CSMD1: variants seen among roughly 807,000 people sequenced by gnomAD.
CSMD1 encodes the protein CUB and Sushi multiple domains 1.
Under a neutral mutation model 417.5 loss-of-function variants are expected in CSMD1, and 213 were observed. That is an observed-to-expected ratio of 0.51 (90% CI 0.46 to 0.57). The LOEUF (loss-of-function observed/expected upper bound fraction) is 0.57. CSMD1 is among the 20% of genes least tolerant of loss of function. The pLI is 0.00. For missense variants in CSMD1, 6,923 were observed against 4,529.7 expected, an observed-to-expected ratio of 1.53 and a Z score of -15.17; for synonymous variants, 2,862 against 1,736.8, an observed-to-expected ratio of 1.65 and a Z score of -16.11.
At chr8:4,398,590 T>C (rs771694005) in intron 3 of CSMD1, among the ~76,000 whole-genome samples, 1 of 151,548 alleles carries the variant, frequency 6.6e-6, no homozygotes, top group Non-Finnish European at 1.5e-5. Context: ...AGAGACGGGG[T>C]TTCACCGTGT....
intron 2 of CSMD1, among the ~76,000 whole-genome samples, chr8:4,468,878 A>T (rs1020811266): frequency 6.6e-6 from 1 of 152,160 alleles, no homozygotes; most frequent in Admixed American, 6.5e-5. Context: ...TGAACACTGC[A>T]AGGAATTTTA....
intron 3 of CSMD1, among the ~76,000 whole-genome samples, chr8:4,209,859 G>C (rs544516109): frequency 6.6e-6 from 1 of 152,190 alleles, no homozygotes; most frequent in East Asian, 1.9e-4. Flanking sequence ...GGTTAATGCA[G>C]AAATTTCTAG....
chr8:3,808,886 T>C (rs1800902435), intron 5 of CSMD1, among the ~76,000 whole-genome samples: 1 of 152,196 alleles, frequency 6.6e-6, no homozygotes, highest in Non-Finnish European at 1.5e-5. Flanking sequence ...TGAAGTCATA[T>C]CAGGGATTTT....
chr8:3,472,493 A>T (rs992528133), intron 11 of CSMD1, among the ~76,000 whole-genome samples: 2 of 152,088 alleles, frequency 1.3e-5, no homozygotes, highest in African/African-American at 4.8e-5. Flanking sequence ...ATCTCTGACA[A>T]AACTCCAACT....
intron 1 of CSMD1, among the ~76,000 whole-genome samples, chr8:4,770,477 G>A (rs748367721): frequency 2.7e-5 from 4 of 150,630 alleles, no homozygotes; most frequent in Non-Finnish European, 5.9e-5. Context: ...TAAAATGTGT[G>A]TGGAACCCTA....
At chr8:3,096,753 A>G in intron 47 of CSMD1, 96 bp downstream of exon 47, 1 of 857,628 alleles carries the variant, frequency 1.2e-6, no homozygotes, top group South Asian at 1.9e-5. Context: ...AGTTAACTCA[A>G]GAATATATTC....
At chr8:4,423,241 G>A (rs112001728) in intron 2 of CSMD1, among the ~76,000 whole-genome samples, 12 of 152,092 alleles carry the variant, frequency 7.9e-5, no homozygotes, top group African/African-American at 2.2e-4. Context: ...AAATATATGC[G>A]TATGGGTCAG....
chr8:3,198,884 C>A (rs545427394), intron 33 of CSMD1, among the ~76,000 whole-genome samples: 8 of 151,094 alleles, frequency 5.3e-5, no homozygotes, highest in African/African-American at 1.9e-4. Context: ...CCATTAGTAT[C>A]TGTAGCCTCC....
chr8:3,246,154 G>T (rs577582878), intron 26 of CSMD1, among the ~76,000 whole-genome samples: 78 of 152,140 alleles, frequency 5.1e-4, no homozygotes, highest in African/African-American at 1.8e-3. Context: ...CCCTTGAGTG[G>T]ATTCCCATCA....
chr8:4,686,563 T>C (rs1249778391), intron 1 of CSMD1, among the ~76,000 whole-genome samples: 2 of 152,226 alleles, frequency 1.3e-5, no homozygotes, highest in Non-Finnish European at 2.9e-5. Flanking sequence ...CCTGCTGATT[T>C]ATAAGCATTA....
chr8:3,494,561 T>C (rs1336954770), intron 10 of CSMD1, among the ~76,000 whole-genome samples: 1 of 45,910 alleles, frequency 2.2e-5, no homozygotes, highest in East Asian at 5.3e-4. Context: ...AGATGATAGA[T>C]AGATAGATAG....
At chr8:4,056,754 C>T (rs1563065226) in intron 3 of CSMD1, among the ~76,000 whole-genome samples, 1 of 151,774 alleles carries the variant, frequency 6.6e-6, no homozygotes, top group Admixed American at 6.6e-5. Context: ...TCTCATTGTT[C>T]AATTCCCACC....
chr8:4,424,747 G>C (rs79057711), intron 2 of CSMD1, among the ~76,000 whole-genome samples: 8 of 152,016 alleles, frequency 5.3e-5, no homozygotes, highest in African/African-American at 1.9e-4. Context: ...CTCATGATGG[G>C]AAACTGTCCC....
chr8:4,522,308 C>A (rs1350070663), intron 2 of CSMD1, among the ~76,000 whole-genome samples: 1 of 152,166 alleles, frequency 6.6e-6, no homozygotes, highest in African/African-American at 2.4e-5. Context: ...GAGGCCTCCC[C>A]AGCCATGTGG....
intron 6 of CSMD1, 131 bp downstream of exon 6, chr8:3,753,799 A>T (rs189269785): frequency 3.4e-6 from 2 of 582,946 alleles, no homozygotes; most frequent in East Asian, 6.1e-5. Context: ...ATTTCCAAAG[A>T]TAACTGTGAA....
At chr8:4,758,468 C>A (rs1811814958) in intron 1 of CSMD1, among the ~76,000 whole-genome samples, 1 of 152,096 alleles carries the variant, frequency 6.6e-6, no homozygotes, top group Admixed American at 6.5e-5. Flanking sequence ...AAGGAAGGAG[C>A]TCAGAAAAGA....
chr8:4,845,967 C>T (rs1801116749), intron 1 of CSMD1, among the ~76,000 whole-genome samples: 1 of 152,306 alleles, frequency 6.6e-6, no homozygotes, highest in South Asian at 2.1e-4. Context: ...AATAGAGAAT[C>T]GGCTATAAAT....
At chr8:4,794,978 A>T (rs1409883301) in intron 1 of CSMD1, among the ~76,000 whole-genome samples, 1 of 149,306 alleles carries the variant, frequency 6.7e-6, no homozygotes, top group African/African-American at 2.5e-5. Context: ...GCCAGAGAAG[A>T]GAAAGAATGG....
At chr8:3,878,846 G>C (rs1806010393) in intron 5 of CSMD1, among the ~76,000 whole-genome samples, 1 of 152,002 alleles carries the variant, frequency 6.6e-6, no homozygotes, top group Non-Finnish European at 1.5e-5. Context: ...AGTGTGTCCT[G>C]GACACAAACC....
Sources: allele counts gnomAD v4.1 joint callset (sites outside exome capture counted in the v4.1 genomes callset), GRCh38; gene constraint gnomAD v4.1.1; transcripts MANE v1.5; gene names NCBI Gene and HGNC (gene_info 2026-07-23, HGNC 2026-07-21).